The following C12orf42 variants were observed in gnomAD, a reference collection of about 807,000 sequenced individuals.
The protein encoded by C12orf42 is uncharacterized protein C12orf42.
A neutral mutation model predicts 21.6 loss-of-function variants in C12orf42; 25 were observed. That is an observed-to-expected ratio of 1.16 (90% CI 0.84 to 1.62). The LOEUF is 1.62. C12orf42 is among the 40% of genes most tolerant of loss of function. The pLI is 0.00. For synonymous variants in C12orf42, 174 were observed against 175.0 expected, an observed-to-expected ratio of 0.99 and a Z score of 0.05; for missense variants, 483 against 459.3, an observed-to-expected ratio of 1.05 and a Z score of -0.47.
chr12:103,345,866 C>A (rs1316804097), intron 4 of C12orf42, among the ~76,000 whole-genome samples: 1 of 152,040 alleles, frequency 6.6e-6, no homozygotes, highest in African/African-American at 2.4e-5. Context: ...GCAAAATATG[C>A]AATTGTAAAT....
the C12orf42 span, among the ~76,000 whole-genome samples, chr12:103,524,471 G>A: frequency 1.3e-5 from 2 of 152,148 alleles, no homozygotes; most frequent in Middle Eastern, 3.2e-3. Context: ...AAGCCTCCAC[G>A]TGCCTTCTCC....
chr12:103,437,780 A>T (rs1365532069), intron 2 of C12orf42, among the ~76,000 whole-genome samples: 35 of 144,258 alleles, frequency 2.4e-4, no homozygotes, highest in Non-Finnish European at 5.0e-4. Context: ...ACCAACCAAA[A>T]AAAAAGTCCA....
At chr12:103,468,334 G>A (rs1953307204) in intron 2 of C12orf42, among the ~76,000 whole-genome samples, 1 of 152,158 alleles carries the variant, frequency 6.6e-6, no homozygotes, top group African/African-American at 2.4e-5. Context: ...CTGCCATTCT[G>A]GATTCCAAAT....
chr12:103,066,017 T>C, the C12orf42 span, among the ~76,000 whole-genome samples: 1 of 152,182 alleles, frequency 6.6e-6, no homozygotes, highest in African/African-American at 2.4e-5. Context: ...CAGTCGCAGA[T>C]AGGGATGCTG....
chr12:103,257,298 A>G (rs984431899), intron 10 of C12orf42, among the ~76,000 whole-genome samples: 2 of 152,168 alleles, frequency 1.3e-5, no homozygotes, highest in African/African-American at 4.8e-5. Flanking sequence ...ACAAACCCCT[A>G]TGATGCAATG....
At chr12:103,406,912 G>A (rs916095528) in intron 2 of C12orf42, among the ~76,000 whole-genome samples, 2 of 152,206 alleles carry the variant, frequency 1.3e-5, no homozygotes, top group African/African-American at 4.8e-5. Flanking sequence ...CGGGGAAAGT[G>A]TAGACTGAGA....
In C12orf42 at chr12:103,302,269, C is replaced by A; in HGVS notation, c.922G>T (p.Ala308Ser). 1.2e-6 allele frequency: 2 copies of A among 1,612,298 alleles called. No homozygotes were observed. Residue 308 changes from alanine (A) to serine (S), a missense_variant, in exon 6 of 6, where the codon GCA (alanine) becomes TCA (serine). Coordinates refer to ENST00000548883, the MANE Select transcript of C12orf42 (RefSeq NM_198521.5). ...QADTSLHGNL[A>S]GAPLPLLAGA... ...GCCAGCAGAGGAAGGGGCGCTCCTG[C>A]CAGATTGCCATGGAGGGAGGTGTCC...
chr12:103,056,116 A>G, the C12orf42 span, among the ~76,000 whole-genome samples: 1 of 152,056 alleles, frequency 6.6e-6, no homozygotes, highest in East Asian at 1.9e-4. Context: ...TGTTCCATCA[A>G]TTGTTGAGAG....
the C12orf42 span, among the ~76,000 whole-genome samples, chr12:103,211,690 C>G: frequency 6.6e-6 from 1 of 152,082 alleles, no homozygotes; most frequent in Non-Finnish European, 1.5e-5. Flanking sequence ...TAGTGAAAGA[C>G]CCAGCTAAAT....
At chr12:103,226,677 G>A in the C12orf42 span, among the ~76,000 whole-genome samples, 1 of 152,118 alleles carries the variant, frequency 6.6e-6, no homozygotes, top group Non-Finnish European at 1.5e-5. Flanking sequence ...AAGATTATAG[G>A]GCGGAGGAGA....
chr12:103,256,368 T>C (rs1363012965), intron 10 of C12orf42, among the ~76,000 whole-genome samples: 2 of 151,392 alleles, frequency 1.3e-5, no homozygotes, highest in South Asian at 2.1e-4. Context: ...CTAGGAGCAA[T>C]GTTTACAACA....
At chr12:103,368,072 A>T (rs1487977590) in intron 4 of C12orf42, 15 of 1,284,818 alleles carry the variant, frequency 1.2e-5, no homozygotes, top group Non-Finnish European at 1.5e-5. Flanking sequence ...GGACAGGCAC[A>T]TTTAAATATA....
intron 4 of C12orf42, among the ~76,000 whole-genome samples, chr12:103,322,125 G>GCACACACACA (rs34616179): frequency 1.1e-5 from 1 of 90,502 alleles, no homozygotes; most frequent in Non-Finnish European, 2.2e-5. Context: ...GCGCGCGCGC[G>GCACACACACA]CACACACACA....
At chr12:103,426,720 T>C (rs1024870699) in intron 2 of C12orf42, among the ~76,000 whole-genome samples, 2 of 152,040 alleles carry the variant, frequency 1.3e-5, no homozygotes, top group Admixed American at 6.6e-5. Flanking sequence ...AAAGTCAAGT[T>C]ACCAACAAAG....
chr12:103,373,754 G>A (rs2045463511), intron 3 of C12orf42, among the ~76,000 whole-genome samples: 1 of 152,210 alleles, frequency 6.6e-6, no homozygotes. Flanking sequence ...TGGTTTTGCT[G>A]AAATCCAGAA....
the C12orf42 span, among the ~76,000 whole-genome samples, chr12:103,190,708 G>A: frequency 1.3e-5 from 2 of 152,032 alleles, no homozygotes; most frequent in African/African-American, 4.8e-5. Context: ...TTCAGTCAGA[G>A]GAACAAAAAG....
chr12:103,117,504 C>A, the C12orf42 span, among the ~76,000 whole-genome samples: 1 of 152,182 alleles, frequency 6.6e-6, no homozygotes, highest in Non-Finnish European at 1.5e-5. Context: ...TAAACGATGG[C>A]TGCCATCTAT....
At chr12:103,529,160 C>T in the C12orf42 span, among the ~76,000 whole-genome samples, 176 of 152,278 alleles carry the variant, frequency 1.2e-3, no homozygotes, top group African/African-American at 4.0e-3. Flanking sequence ...GGGGTGAATC[C>T]TATCCACGTA....
chr12:103,386,788 C>G (rs574094653), intron 3 of C12orf42, among the ~76,000 whole-genome samples: 2 of 152,128 alleles, frequency 1.3e-5, no homozygotes, highest in Admixed American at 6.6e-5. Flanking sequence ...GACTGTTGAC[C>G]GAGACTCCAA....
Sources: gnomAD v4.1 joint callset for allele counts (sites outside exome capture counted in the v4.1 genomes callset) on GRCh38, gnomAD v4.1.1 for gene constraint, MANE v1.5 for transcripts, NCBI Gene and HGNC (gene_info 2026-07-23, HGNC 2026-07-21) for gene names.